Variants in SCIN observed in about 807,000 individuals in gnomAD.
SCIN encodes adseverin.
In SCIN, 91 loss-of-function variants were observed where a neutral mutation model predicts 91.8. The ratio of observed to expected loss-of-function variants is 0.99; its 90% CI spans 0.84 to 1.18. SCIN has a LOEUF of 1.18. SCIN is among the 50% of genes most tolerant of loss of function. The probability of loss-of-function intolerance (pLI) is 0.00; values close to 1 mark genes in which losing one functional copy is unlikely to be tolerated. For synonymous variants in SCIN, 367 were observed against 312.6 expected (o/e 1.17, Z -1.84); for missense variants, 1,087 against 863.9 (o/e 1.26, Z -3.24).
intron 3 of SCIN, among the ~76,000 whole-genome samples, chr7:12,591,062 C>T (rs1318546567): frequency 6.6e-6 from 1 of 151,948 alleles, no homozygotes; most frequent in Non-Finnish European, 1.5e-5. Context: ...GGAAGAGGAG[C>T]CATCTATGAA....
At chr7:12,622,458 G>T (rs986316349) in intron 4 of SCIN, among the ~76,000 whole-genome samples, 4 of 152,098 alleles carry the variant, frequency 2.6e-5, no homozygotes, top group African/African-American at 4.8e-5. Context: ...GGTCATAGAA[G>T]AAATTCTGCT....
rs780654696 is a variant in SCIN at position 12,655,611 on chromosome 7, C to G, written c.*2896C>G. The stretch of plus-strand genomic sequence containing the variant: ...AAAATATTAAAATGTTAGTGGTCAT[C>G]AAAATGTAGGGTTACAGGTTCACCC... On this transcript the variant is annotated 3_prime_UTR_variant, in exon 16 of 16. Coordinates refer to ENST00000297029, the MANE Select transcript of SCIN (RefSeq NM_001112706.3). 6.6e-6 allele frequency: 1 copy of G among 152,144 alleles called. No homozygotes were observed. The highest frequency in any genetic ancestry group is 1.5e-5 in the Non-Finnish European group (1 of 68,032). 9.4% of individuals were successfully genotyped at this position (152,144 alleles called of 1,614,324 possible).
At chr7:12,581,938 T>G (rs1020222470) in intron 3 of SCIN, among the ~76,000 whole-genome samples, 2 of 152,190 alleles carry the variant, frequency 1.3e-5, no homozygotes, top group African/African-American at 4.8e-5. Flanking sequence ...TTCCCTCCAC[T>G]GAAAAGCCAT....
At chr7:12,577,965 A>G (rs1050119992) in intron 1 of SCIN, 99 bp from the exon 2 acceptor site, 2 of 1,052,330 alleles carry the variant, frequency 1.9e-6, no homozygotes, top group Admixed American at 3.2e-5. Flanking sequence ...GGATTGATAC[A>G]TAATTGAAAT....
Position 12,644,376 on chromosome 7 carries a change from C to A in SCIN, c.1759+61C>A, listed in dbSNP as rs548716388. On this transcript the variant is annotated intron_variant, in intron 12 of 15. Coordinates refer to ENST00000297029, the MANE Select transcript of SCIN (RefSeq NM_001112706.3). The stretch of plus-strand genomic sequence containing the variant: ...TTATACTGATACGATTGCTAATCAT[C>A]TTTTTTTCACCAAAAAGTCACTTTC... The A allele has an allele frequency of 2.5e-5, 38 of 1,506,096 alleles. No homozygotes were observed. In the African/African-American group the frequency reaches 4.8e-4, roughly 19 times the overall value. 93.3% of individuals were successfully genotyped at this position (1,506,096 alleles called of 1,614,324 possible). A position where few individuals can be genotyped will look rare whatever the true frequency, so the allele number is the denominator to read the frequency against.
intron 3 of SCIN, among the ~76,000 whole-genome samples, chr7:12,588,651 A>T (rs1782641373): frequency 6.6e-6 from 1 of 151,980 alleles, no homozygotes; most frequent in Admixed American, 6.6e-5. Context: ...ATAGGAATTT[A>T]CAAGAGGGTG....
At position 12,644,706 on chromosome 7, in the gene SCIN, G is replaced by T. The variant is rs368620218; in HGVS notation, c.1881+1G>T. 26 of 1,556,400 alleles carry T rather than the reference G, an allele frequency of 1.7e-5. No homozygotes were observed. The African/African-American group carries it at 2.2e-4, about 13-fold the overall frequency. On this transcript the variant is annotated splice_donor_variant, in intron 13 of 15. Coordinates refer to ENST00000297029, the MANE Select transcript of SCIN (RefSeq NM_001112706.3). LOFTEE classifies it high-confidence loss of function. ...CTCTAACAAAACTGGAAGATTTGTT[G>T]TAAGTGTCCTTAAAAATAGTGCGAT...
intron 3 of SCIN, among the ~76,000 whole-genome samples, chr7:12,584,526 A>T (rs142801231): frequency 3.3e-5 from 5 of 152,320 alleles, no homozygotes; most frequent in African/African-American, 1.2e-4. Flanking sequence ...CCCGGACATT[A>T]CAATATAACC....
intron 4 of SCIN, among the ~76,000 whole-genome samples, chr7:12,615,120 G>A (rs553884372): frequency 3.2e-4 from 48 of 152,310 alleles, no homozygotes; most frequent in African/African-American, 1.1e-3. Flanking sequence ...CTGCTGTGAA[G>A]TTATTTTATA....
chr7:12,573,612 C>T (rs2115198233), intron 1 of SCIN, among the ~76,000 whole-genome samples: 1 of 152,226 alleles, frequency 6.6e-6, no homozygotes, highest in Non-Finnish European at 1.5e-5. Context: ...AAAAACATTT[C>T]AGCTTTGCAC....
In SCIN at chr7:12,626,722, G is replaced by A. The variant is rs754007031; in HGVS notation, c.1120G>A (p.Asp374Asn). The change falls in exon 8 of 16, where the codon GAT becomes AAT. Residue 374 changes from aspartate to asparagine, a missense_variant. Coordinates refer to ENST00000297029, the MANE Select transcript of SCIN (RefSeq NM_001112706.3). ...KVAQIKQIPFDASKLHSSPQM... is the reference protein window; with the variant it reads ...KVAQIKQIPFNASKLHSSPQM... ...GGCTCAAATAAAACAAATTCCCTTT[G>A]ATGCCTCAAAATTACACAGTTCTCC... 3 of 1,606,866 alleles carry A rather than the reference G, an allele frequency of 1.9e-6. No individual in the cohort carries two copies. The highest frequency in any genetic ancestry group is 2.2e-5 in the South Asian group (2 of 89,386).
chr7:12,609,142 G>A (rs1562612732), intron 4 of SCIN, among the ~76,000 whole-genome samples: 1 of 152,128 alleles, frequency 6.6e-6, no homozygotes, highest in Non-Finnish European at 1.5e-5. Context: ...GTAAAAGGGG[G>A]CACTGAGGAG....
Position 12,657,261 on chromosome 7 carries a change from C to T in SCIN, c.*4546C>T, listed in dbSNP as rs1324543826. Reference sequence around the variant, plus strand: ...TGAGATAGGTTCTCACTCTGTTGCCCAGGCTGGAGTACAGTAGCGATCTCT... The same window carrying T: ...TGAGATAGGTTCTCACTCTGTTGCCTAGGCTGGAGTACAGTAGCGATCTCT... On this transcript the variant is annotated 3_prime_UTR_variant, in exon 16 of 16. Coordinates refer to ENST00000297029, the MANE Select transcript of SCIN (RefSeq NM_001112706.3). 1 of 133,276 alleles carries T rather than the reference C, an allele frequency of 7.5e-6. No individual in the cohort carries two copies. The highest frequency in any genetic ancestry group is 1.6e-5 in the Non-Finnish European group (1 of 64,312). 8.3% of individuals were successfully genotyped at this position (133,276 alleles called of 1,614,324 possible). A position where few individuals can be genotyped will look rare whatever the true frequency, so the allele number is the denominator to read the frequency against.
Position 12,651,236 on chromosome 7 carries a change from C to G in SCIN, c.1960-605C>G, listed in dbSNP as rs765578926. 9.2e-5 allele frequency among the ~76,000 whole-genome samples: 14 copies of G among 152,052 alleles called. No individual in the cohort carries two copies. The highest frequency in any genetic ancestry group is 1.9e-4 in the Non-Finnish European group (13 of 68,002). On this transcript the variant is annotated intron_variant, in intron 14 of 15. Coordinates refer to ENST00000297029, the MANE Select transcript of SCIN (RefSeq NM_001112706.3). The surrounding 1 kb of genome is among the most constrained non-coding windows in gnomAD (Gnocchi z 5.9). ...AAGATGGTCTTGTTATGGATAAAAC[C>G]TCACATAAAGTATAGATGGTAAATG...
At position 12,644,177 on chromosome 7, in the gene SCIN, T is replaced by A; in HGVS notation, c.1621T>A (p.Phe541Ile). 1 of 1,613,174 alleles carries A rather than the reference T, an allele frequency of 6.2e-7. No individual in the cohort carries two copies. The highest frequency in any genetic ancestry group is 2.2e-5 in the East Asian group (1 of 44,834). The change falls in exon 12 of 16, where the codon TTT becomes ATT. Residue 541 changes from phenylalanine (F) to isoleucine (I), a missense_variant. By Grantham distance (21) the Phe-to-Ile change is conservative. Transcript: ENST00000297029. ...AAATTCACTGAATTCTAACGATGTT[T>A]TTGTCCTGAAACTGCCACAAAATAG... The part of the protein sequence containing the change: ...DANSLNSNDV[F>I]VLKLPQNSGY...
In SCIN at chr7:12,581,140, T is replaced by C. The variant is rs1175464627; in HGVS notation, c.435T>C (p.Arg145=). 6.4e-7 allele frequency: 1 copy of C among 1,551,356 alleles called. No homozygotes were observed. Among genetic ancestry groups the C allele is most frequent in the African/African-American group, 1.4e-5 (1 of 73,014 alleles). ...AGAGGCTCCTACATGTGAAGGGTCG[T>C]AGAGTGGTGAGAGCCACAGAAGTTC... ...TAKRLLHVKG[R]RVVRATEVPL... is the part of the protein sequence containing the mutation. Residue 145 remains arginine (R), a synonymous_variant, in exon 3 of 16, where the codon CGT becomes CGC. Coordinates refer to ENST00000297029, the MANE Select transcript of SCIN (RefSeq NM_001112706.3).
chr7:12,604,664 G>T lies in SCIN; in HGVS notation c.666+1G>T, dbSNP rs372230377. On this transcript the variant is annotated splice_donor_variant, in intron 4 of 15. Transcript: ENST00000297029. LOFTEE classifies it high-confidence loss of function. ...AAGTGAACCCTCAGAACTTATAAAG[G>T]TATTGTGACTCCTGTTGTTTGTTAA... 41 of 1,551,384 alleles carry T rather than the reference G, an allele frequency of 2.6e-5. No individual in the cohort carries two copies. In the African/African-American group the frequency reaches 4.5e-4, roughly 17 times the overall value.
At chr7:12,625,167 G>A (rs757482934) in intron 6 of SCIN, 25 bp downstream of exon 6, 40 of 1,590,574 alleles carry the variant, frequency 2.5e-5, no homozygotes, top group Admixed American at 7.1e-5. Context: ...TGACGATGCT[G>A]TATTTCAGAT....
rs1041094272 is a variant in SCIN at position 12,577,604 on chromosome 7, C to T, written c.200-460C>T. The T allele has an allele frequency of 7.9e-5, 36 of 455,886 alleles. No homozygotes were observed. In the Admixed American group the frequency reaches 8.0e-4, roughly 10 times the overall value. 28.2% of individuals were successfully genotyped at this position (455,886 alleles called of 1,614,324 possible). A position where few individuals can be genotyped will look rare whatever the true frequency, so the allele number is the denominator to read the frequency against. ...GGTGGCTCATACCTGTAATCCCCAACAATTTAGGAGGCCAAAGCCAGAGGA... is the reference window on the plus strand; with the variant it reads ...GGTGGCTCATACCTGTAATCCCCAATAATTTAGGAGGCCAAAGCCAGAGGA... On this transcript the variant is annotated intron_variant, in intron 1 of 15. Coordinates refer to ENST00000297029, the MANE Select transcript of SCIN (RefSeq NM_001112706.3).
Sources: allele counts gnomAD v4.1 joint callset (sites outside exome capture counted in the v4.1 genomes callset), GRCh38; gene constraint gnomAD v4.1.1; non-coding constraint Gnocchi (gnomAD v3.1); transcripts MANE v1.5; gene names NCBI Gene and HGNC (gene_info 2026-07-23, HGNC 2026-07-21).